Variants in XG observed in about 807,000 individuals in gnomAD.
XG encodes Xg glycoprotein (Xg blood group), also known as glycoprotein Xg.
In XG, 24 loss-of-function variants were observed where a neutral mutation model predicts 25.7. The observed-to-expected ratio is 0.93, with a 90% CI of 0.68 to 1.31. The LOEUF (loss-of-function observed/expected upper bound fraction) is 1.31. Among genes scored for constraint, XG ranks in the 40% most tolerant of loss-of-function variants. The pLI, the probability that XG is intolerant of heterozygous loss-of-function variation, is 0.00. For missense variants in XG, 181 were observed against 187.6 expected (o/e 0.96, Z 0.21); for synonymous variants, 77 against 69.2 (o/e 1.11, Z -0.56).
At chrX:2,765,391 AAGGAAGG>A (rs2050662212) in intron 1 of XG, among the ~76,000 whole-genome samples, 2 of 151,294 alleles carry the variant, frequency 1.3e-5, no homozygotes, top group African/African-American at 2.4e-5. Context: ...GGAAGGAAGG[AAGGAAGG>A]AAGGAAGGAA....
chrX:2,760,134 T>G (rs2050531324), intron 1 of XG, among the ~76,000 whole-genome samples: 2 of 151,844 alleles, frequency 1.3e-5, no homozygotes, highest in South Asian at 4.2e-4. Context: ...GAGCTGAGAT[T>G]GCACCACTGC....
chrX:2,777,688 G>A (rs1179408579), intron 3 of XG, among the ~76,000 whole-genome samples: 1 of 152,152 alleles, frequency 6.6e-6, no homozygotes, highest in African/African-American at 2.4e-5. Context: ...TAAAATAGTA[G>A]GAATAGTGAA....
chrX:2,812,736 C>G (rs1363526242), intron 10 of XG, among the ~76,000 whole-genome samples: 2 of 111,600 alleles, frequency 1.8e-5, no homozygotes, highest in Non-Finnish European at 3.8e-5. Context: ...TCCTGGCAAC[C>G]TGAGAGCAGA....
intron 1 of XG, among the ~76,000 whole-genome samples, chrX:2,757,507 A>C (rs965197819): frequency 1.3e-5 from 2 of 151,912 alleles, no homozygotes; most frequent in African/African-American, 4.8e-5. Flanking sequence ...CTATGTAAAG[A>C]CTAAAAAAGA....
chrX:2,765,375 AGG>A (rs2050660129), intron 1 of XG, among the ~76,000 whole-genome samples: 1 of 105,410 alleles, frequency 9.5e-6, no homozygotes, highest in South Asian at 4.0e-4. Context: ...AGAGGGAGGG[AGG>A]GAAGGAAGGA....
In XG at chrX:2,771,560, G is replaced by A. The variant is rs112013860; in HGVS notation, c.103+969G>A. Among the ~76,000 whole-genome samples, 374 of 152,320 alleles carry A rather than the reference G, an allele frequency of 2.5e-3. 1 individual carries two copies. The highest frequency in any genetic ancestry group is 8.7e-3 in the African/African-American group (360 of 41,560). On this transcript the variant is annotated intron_variant, in intron 2 of 10. Transcript: ENST00000644266. ...ATTGAGATTCAGGTGTATTCAGACC[G>A]CGGTGGGTGGGAGAAAGGGAAAGAT... is the stretch of plus-strand genomic sequence containing the variant.
chrX:2,806,151 T>C, intron 7 of XG, among the ~76,000 whole-genome samples: 2 of 110,031 alleles, frequency 1.8e-5, no homozygotes, highest in Non-Finnish European at 3.8e-5. Flanking sequence ...CTCAGTCGTC[T>C]CCCAAGTAGT....
chrX:2,794,572 C>T lies in XG; in HGVS notation c.291C>T (p.Tyr97=). The change falls in exon 6 of 11, where the codon TAC becomes TAT. Residue 97 remains tyrosine, a synonymous_variant. Coordinates refer to ENST00000644266, the MANE Select transcript of XG (RefSeq NM_001141919.2). ...FNDVDRDDGR[Y]PPRPRPRPPA... The stretch of plus-strand genomic sequence containing the variant: ...ATGTGGACCGTGATGACGGACGCTA[C>T]CCGCCCAGGCCCAGGCCACGGCCGC... 2 of 1,210,274 alleles carry T rather than the reference C, an allele frequency of 1.7e-6. No homozygotes were observed. The highest frequency in any genetic ancestry group is 2.3e-4 in the Middle Eastern group (1 of 4,351).
intron 3 of XG, chrX:2,774,992 T>C (rs1341204227): frequency 5.4e-6 from 3 of 552,464 alleles, no homozygotes; most frequent in Non-Finnish European, 9.8e-6. Flanking sequence ...GGCAAGGATG[T>C]GATGAAACTG....
At chrX:2,776,403 C>G (rs1391881634) in intron 3 of XG, among the ~76,000 whole-genome samples, 1 of 152,136 alleles carries the variant, frequency 6.6e-6, no homozygotes, top group Non-Finnish European at 1.5e-5. Flanking sequence ...TTGGGCGTTA[C>G]TAATCAGACG....
In XG at chrX:2,808,326, C is replaced by T. The variant is rs2087023856; in HGVS notation, c.454+106C>T. The T allele has an allele frequency of 7.0e-6, 7 of 995,188 alleles. No individual in the cohort carries two copies. The South Asian group carries it at 1.4e-4, about 20-fold the overall frequency. 82.0% of individuals were successfully genotyped at this position (995,188 alleles called of 1,213,427 possible). ...TTCTGTTTCCCAACCTCATGACTTT[C>T]ACGGAGCACTCATACTTTGTATGTA... On this transcript the variant is annotated intron_variant, in intron 9 of 10. Transcript: ENST00000644266.
chrX:2,805,256 G>A (rs1489593238), intron 7 of XG, among the ~76,000 whole-genome samples: 3 of 112,378 alleles, frequency 2.7e-5, no homozygotes, highest in South Asian at 3.7e-4. Context: ...AAAATGTTGC[G>A]CTCGTCGTTT....
At chrX:2,804,246 T>C (rs2086972066) in intron 7 of XG, among the ~76,000 whole-genome samples, 1 of 112,540 alleles carries the variant, frequency 8.9e-6, no homozygotes, top group African/African-American at 3.2e-5. Context: ...TGTGATCAGT[T>C]TTGTTTCAGA....
At chrX:2,770,613 G>C (rs751138375) in intron 2 of XG, 22 bp downstream of exon 2, 22 of 1,613,760 alleles carry the variant, frequency 1.4e-5, no homozygotes, top group Non-Finnish European at 1.6e-5. Context: ...TATTTCAAGG[G>C]GAGCCTTCCC....
chrX:2,780,183 A>G (rs1014508201), intron 3 of XG, among the ~76,000 whole-genome samples: 3 of 151,978 alleles, frequency 2.0e-5, no homozygotes, highest in Admixed American at 6.6e-5. Context: ...ACGGATGGTG[A>G]AAAAAAGAAA....
At position 2,789,670 on chromosome X, in the gene XG, C is replaced by A. The variant is rs747803004; in HGVS notation, c.217C>A (p.Pro73Thr). Residue 73 changes from proline to threonine, a missense_variant, in exon 5 of 11, where the codon CCT becomes ACT. By Grantham distance (38) the Pro-to-Thr change is conservative. Coordinates refer to ENST00000644266, the MANE Select transcript of XG (RefSeq NM_001141919.2). ...TATCTACCCAAGGCCAAAGCCACGCCCTCAACCCCAGCCTGGCAATTCCGG... is the reference window on the plus strand; with the variant it reads ...TATCTACCCAAGGCCAAAGCCACGCACTCAACCCCAGCCTGGCAATTCCGG... ...GNIYPRPKPR[P>T]QPQPGNSGNS... 1.2e-5 allele frequency: 14 copies of A among 1,162,806 alleles called. No individual in the cohort carries two copies. Among genetic ancestry groups the A allele is most frequent in the Non-Finnish European group, 1.6e-5 (14 of 870,986 alleles).
intron 7 of XG, among the ~76,000 whole-genome samples, chrX:2,806,147 C>T (rs1482594322): frequency 1.8e-5 from 2 of 110,561 alleles, no homozygotes; most frequent in Admixed American, 9.7e-5. Context: ...TTGCCTCAGT[C>T]GTCTCCCAAG....
intron 7 of XG, among the ~76,000 whole-genome samples, chrX:2,799,048 A>G (rs766932741): frequency 9.0e-6 from 1 of 110,790 alleles, no homozygotes; most frequent in African/African-American, 3.3e-5. Flanking sequence ...TTCAGAACCA[A>G]GACTCAACCA....
chrX:2,774,620 C>G, intron 2 of XG, 96 bp from the exon 3 acceptor site: 2 of 1,369,474 alleles, frequency 1.5e-6, no homozygotes, highest in Non-Finnish European at 2.1e-6. Flanking sequence ...CTTTGTCACT[C>G]CCTTTTCACC....
Sources: allele counts gnomAD v4.1 joint callset (sites outside exome capture counted in the v4.1 genomes callset), GRCh38; gene constraint gnomAD v4.1.1; transcripts MANE v1.5; gene names NCBI Gene and HGNC (gene_info 2026-07-23, HGNC 2026-07-21).